Variants in ROBO2 observed in about 807,000 individuals in gnomAD.
ROBO2 encodes roundabout guidance receptor 2.
ROBO2 carries 53 observed loss-of-function variants against 160.8 expected under a neutral mutation model. The ratio of observed to expected loss-of-function variants is 0.33; its 90% CI spans 0.26 to 0.41. The LOEUF (loss-of-function observed/expected upper bound fraction) is 0.41, where lower values mean the gene tolerates loss of function less well. Among genes scored for constraint, ROBO2 ranks in the 10% least tolerant of loss-of-function variants. The probability of loss-of-function intolerance (pLI) is 1.00; values close to 1 mark genes in which losing one functional copy is unlikely to be tolerated. For missense variants in ROBO2, 1,577 were observed against 1,722.4 expected (o/e 0.92, Z 1.49); for synonymous variants, 664 against 611.7 (o/e 1.09, Z -1.26).
At chr3:76,138,677 G>A (rs1308546734) in intron 2 of ROBO2, among the ~76,000 whole-genome samples, 1 of 152,054 alleles carries the variant, frequency 6.6e-6, no homozygotes, top group East Asian at 1.9e-4. Context: ...ATGCTATATA[G>A]TATCTACTAC....
chr3:77,409,023 C>A (rs1309423292), intron 2 of ROBO2, among the ~76,000 whole-genome samples: 2 of 151,412 alleles, frequency 1.3e-5, no homozygotes, highest in Non-Finnish European at 2.9e-5. Flanking sequence ...TGTGAGCCAT[C>A]ATACCTGGAA....
chr3:77,623,701 A>T (rs1413598579), intron 23 of ROBO2, among the ~76,000 whole-genome samples: 5 of 152,224 alleles, frequency 3.3e-5, no homozygotes, highest in Non-Finnish European at 7.3e-5. Flanking sequence ...GAGCTGACTT[A>T]TTAGTGCACT....
At chr3:76,646,821 T>G (rs2090993287) in intron 2 of ROBO2, among the ~76,000 whole-genome samples, 1 of 152,096 alleles carries the variant, frequency 6.6e-6, no homozygotes, top group East Asian at 1.9e-4. Context: ...ATTTTAATAT[T>G]TAAAAAACTG....
intron 2 of ROBO2, among the ~76,000 whole-genome samples, chr3:76,384,810 A>C (rs546864430): frequency 6.6e-6 from 1 of 152,282 alleles, no homozygotes; most frequent in Admixed American, 6.5e-5. Flanking sequence ...TCCATGATTC[A>C]ATGACCTCCA....
intron 2 of ROBO2, among the ~76,000 whole-genome samples, chr3:77,268,640 C>G (rs1426500682): frequency 6.6e-6 from 1 of 152,186 alleles, no homozygotes; most frequent in African/African-American, 2.4e-5. Flanking sequence ...ATTAGGAATA[C>G]CAGTCAGTTG....
chr3:77,038,825 C>T (rs951255819), upstream of ROBO2, among the ~76,000 whole-genome samples: 4 of 152,174 alleles, frequency 2.6e-5, no homozygotes, highest in South Asian at 2.1e-4. Context: ...AGAGTTTTGT[C>T]GTCTTTGGGC....
At chr3:76,515,776 G>A (rs1560076033) in intron 2 of ROBO2, among the ~76,000 whole-genome samples, 1 of 152,118 alleles carries the variant, frequency 6.6e-6, no homozygotes, top group Non-Finnish European at 1.5e-5. Context: ...CCCACTCTCT[G>A]TCAAACGTTC....
intron 2 of ROBO2, among the ~76,000 whole-genome samples, chr3:75,989,693 C>T (rs777485432): frequency 2.0e-5 from 3 of 152,102 alleles, no homozygotes; most frequent in South Asian, 2.1e-4. Context: ...TTGCTGGAAC[C>T]GTGTTAATAT....
At chr3:77,497,706 A>G (rs1362782083) in intron 5 of ROBO2, among the ~76,000 whole-genome samples, 3 of 152,066 alleles carry the variant, frequency 2.0e-5, no homozygotes, top group Non-Finnish European at 1.5e-5. Flanking sequence ...ATCTTTTCAC[A>G]AAGTGTTTTA....
intron 2 of ROBO2, among the ~76,000 whole-genome samples, chr3:76,168,481 T>G (rs534612967): frequency 6.6e-6 from 1 of 152,196 alleles, no homozygotes; most frequent in South Asian, 2.1e-4. Flanking sequence ...ATTGTCATTG[T>G]CAGTTCTTCT....
intron 2 of ROBO2, among the ~76,000 whole-genome samples, chr3:76,765,110 G>C (rs1386669274): frequency 4.0e-5 from 6 of 151,552 alleles, no homozygotes; most frequent in Admixed American, 4.0e-4. Flanking sequence ...CACTCTGTAT[G>C]TCCATTTTCT....
chr3:76,149,939 A>G (rs945475554), intron 2 of ROBO2, among the ~76,000 whole-genome samples: 7 of 150,812 alleles, frequency 4.6e-5, no homozygotes, highest in African/African-American at 1.5e-4. Flanking sequence ...TCTGTCTAAA[A>G]CACACATCTG....
chr3:77,119,002 T>G (rs2074475842), intron 2 of ROBO2, among the ~76,000 whole-genome samples: 2 of 152,030 alleles, frequency 1.3e-5, no homozygotes, highest in Non-Finnish European at 2.9e-5. Flanking sequence ...TGGTGGGAGG[T>G]GATTGGATCA....
At chr3:75,946,046 C>T (rs995524313) in intron 2 of ROBO2, among the ~76,000 whole-genome samples, 4 of 151,986 alleles carry the variant, frequency 2.6e-5, no homozygotes, top group African/African-American at 4.8e-5. Flanking sequence ...TGTTTCCTGG[C>T]GGAATTGTCT....
chr3:76,686,557 A>G (rs1163571109), intron 2 of ROBO2, among the ~76,000 whole-genome samples: 1 of 152,122 alleles, frequency 6.6e-6, no homozygotes, highest in Non-Finnish European at 1.5e-5. Flanking sequence ...GAGTCTATGT[A>G]ATCCCCATAA....
chr3:76,643,629 G>A (rs1229738431), intron 2 of ROBO2, among the ~76,000 whole-genome samples: 1 of 151,228 alleles, frequency 6.6e-6, no homozygotes, highest in Non-Finnish European at 1.5e-5. Flanking sequence ...TTATTATTTT[G>A]TGCTTTGTTT....
intron 2 of ROBO2, among the ~76,000 whole-genome samples, chr3:76,100,136 A>G (rs1404875963): frequency 2.0e-5 from 3 of 152,028 alleles, no homozygotes; most frequent in Admixed American, 6.6e-5. Context: ...ATTCCTTGGA[A>G]CCCATGAATC....
chr3:76,004,669 T>A (rs2065973936), intron 2 of ROBO2, among the ~76,000 whole-genome samples: 1 of 152,172 alleles, frequency 6.6e-6, no homozygotes, highest in South Asian at 2.1e-4. Flanking sequence ...TCTGTTCTTA[T>A]GACCTAATCA....
At chr3:77,151,071 G>A (rs2077512400) in intron 2 of ROBO2, among the ~76,000 whole-genome samples, 1 of 151,972 alleles carries the variant, frequency 6.6e-6, no homozygotes, top group Non-Finnish European at 1.5e-5. Flanking sequence ...TAACACTCTG[G>A]CTTAAAAGGG....
Sources: allele counts gnomAD v4.1 joint callset (sites outside exome capture counted in the v4.1 genomes callset), GRCh38; gene constraint gnomAD v4.1.1; transcripts MANE v1.5; gene names NCBI Gene and HGNC (gene_info 2026-07-23, HGNC 2026-07-21).